The following TARDBP variants were observed in gnomAD, a reference collection of about 807,000 sequenced individuals.
The protein encoded by TARDBP is TAR DNA binding protein.
TARDBP carries 4 observed loss-of-function variants against 38.3 expected under a neutral mutation model. That is an observed-to-expected ratio of 0.10 (90% CI 0.05 to 0.24). TARDBP has a LOEUF of 0.24. Among genes scored for constraint, TARDBP ranks in the 10% least tolerant of loss-of-function variants. The pLI is 1.00. For missense variants in TARDBP, 202 were observed against 521.9 expected (o/e 0.39, Z 5.97); for synonymous variants, 184 against 183.8 (o/e 1.00, Z -0.01).
chr1:11,020,245 C>T lies in TARDBP; in HGVS notation c.544-184C>T, dbSNP rs142943740. Among the ~76,000 whole-genome samples, 592 of 152,210 alleles carry T rather than the reference C, an allele frequency of 3.9e-3. 5 individuals are homozygous for T. Among genetic ancestry groups the T allele is most frequent in the African/African-American group, 0.014 (571 of 41,532 alleles). On this transcript the variant is annotated intron_variant, in intron 4 of 5. Transcript: ENST00000240185. ...GACTGTGTACTTTTGTAACTTAAAA[C>T]GTTACTCTTCACTGAAGCCTTACAA...
Position 11,020,520 on chromosome 1 carries a change from C to G in TARDBP, c.635C>G (p.Ser212Cys). ...MTEDELREFF[S>C]QYGDVMDVFI... ...GAGGATGAGCTGCGGGAGTTCTTCTCTCAGTACGGGGATGTGATGGATGTC... is the reference window on the plus strand; with the variant it reads ...GAGGATGAGCTGCGGGAGTTCTTCTGTCAGTACGGGGATGTGATGGATGTC... Residue 212 changes from serine (S) to cysteine (C), a missense_variant, in exon 5 of 6, where the codon TCT (serine) becomes TGT (cysteine). Physicochemically the swap from Ser to Cys is moderately radical, Grantham distance 112. This residue lies in a region of TARDBP where 12 missense variants were observed against 97.3 expected (regional missense o/e 0.12). Transcript: ENST00000240185. The G allele has an allele frequency of 1.9e-6, 3 of 1,613,996 alleles. No homozygotes were observed. The highest frequency in any genetic ancestry group is 2.5e-6 in the Non-Finnish European group (3 of 1,179,960).
intron 3 of TARDBP, among the ~76,000 whole-genome samples, chr1:11,017,584 G>A (rs1643553475): frequency 6.6e-6 from 1 of 152,234 alleles, no homozygotes; most frequent in East Asian, 1.9e-4. Context: ...CATATATGTT[G>A]TACCCTATGT....
chr1:11,021,941 A>G (rs1004771389), intron 5 of TARDBP, among the ~76,000 whole-genome samples, 183 bp from the exon 6 acceptor site: 2 of 152,244 alleles, frequency 1.3e-5, no homozygotes, highest in African/African-American at 4.8e-5. Context: ...ATCGACTGAA[A>G]TATCACTGCT....
At chr1:11,018,953 G>A (rs1643582077) in intron 4 of TARDBP, 80 bp downstream of exon 4, 9 of 1,597,700 alleles carry the variant, frequency 5.6e-6, no homozygotes, top group Non-Finnish European at 7.7e-6. Context: ...AACACACTTA[G>A]AAAAGATAGC....
rs183243596 is a variant in TARDBP, at chr1:11,014,976, G to A, written c.238+1011G>A. 1.1e-3 allele frequency among the ~76,000 whole-genome samples: 165 copies of A among 151,866 alleles called. 1 individual carries two copies. The highest frequency in any genetic ancestry group is 3.7e-3 in the African/African-American group (154 of 41,420). On this transcript the variant is annotated intron_variant, in intron 2 of 5. Coordinates refer to ENST00000240185, the MANE Select transcript of TARDBP (RefSeq NM_007375.4). The stretch of plus-strand genomic sequence containing the variant: ...CGAAAACAAAAATTGGCGTGGTGGC[G>A]GGGGCCTGTAGTCCCAGCTAGTCTG...
At chr1:11,015,818 A>G (rs1047464992) in intron 2 of TARDBP, among the ~76,000 whole-genome samples, 1 of 151,586 alleles carries the variant, frequency 6.6e-6, no homozygotes, top group African/African-American at 2.4e-5. Flanking sequence ...ATCTTGGCTC[A>G]CTGCAACCTC....
rs956150244 is a variant in TARDBP, at chr1:11,020,435, C to A, written c.550C>A (p.Gln184Lys). The A allele has an allele frequency of 6.2e-7, 1 of 1,613,726 alleles. No individual in the cohort carries two copies. The highest frequency in any genetic ancestry group is 1.3e-5 in the African/African-American group (1 of 74,772). The stretch of plus-strand genomic sequence containing the variant: ...TTCCTTTTGATTTGATCAGCAAAGC[C>A]AAGATGAGCCTTTGAGAAGCAGAAA... ...DCKLPNSKQS[Q>K]DEPLRSRKVF... Residue 184 changes from glutamine to lysine, a missense_variant, in exon 5 of 6, where the codon CAA becomes AAA. Coordinates refer to ENST00000240185, the MANE Select transcript of TARDBP (RefSeq NM_007375.4).
At position 11,022,037 on chromosome 1, in the gene TARDBP, A is replaced by T; in HGVS notation, c.715-87A>T. 6.7e-7 allele frequency: 1 copy of T among 1,486,882 alleles called. No individual in the cohort carries two copies. The allele number at this position is 1,486,882 out of a possible 1,614,324, so 92.1% of individuals were successfully genotyped here. A position where few individuals can be genotyped will look rare whatever the true frequency, so the allele number is the denominator to read the frequency against. ...TTTTTCCTCTGGCTTTAGATAAATT[A>T]ATGCTTGTAATCTAAGTTTTGTTGC... On this transcript the variant is annotated intron_variant, in intron 5 of 5. Coordinates refer to ENST00000240185, the MANE Select transcript of TARDBP (RefSeq NM_007375.4). This position sits in a 1 kb window ranked among gnomAD's most constrained non-coding sequence, Gnocchi z 4.5.
intron 2 of TARDBP, among the ~76,000 whole-genome samples, chr1:11,015,063 C>T (rs889915218): frequency 6.6e-5 from 10 of 150,398 alleles, no homozygotes; most frequent in African/African-American, 1.2e-4. Flanking sequence ...GCTGAGGTCG[C>T]GCCGCTACAC....
At chr1:11,027,209 AC>A, downstream of TARDBP, 1 of 1,614,076 alleles carries the variant, frequency 6.2e-7, no homozygotes. Context: ...TAGCAAGAAA[AC>A]CCCTTTGGGT....
rs1333754120 is a variant in TARDBP, at chr1:11,016,965, G to A, written c.360G>A (p.Leu120=). The part of the protein sequence containing the change: ...GLPWKTTEQD[L]KEYFSTFGEV... ...CATGGAAAACAACCGAACAGGACCT[G>A]AAAGAGTATTTTAGTACCTTTGGAG... Residue 120 remains leucine (L), a synonymous_variant, in exon 3 of 6, where the codon CTG becomes CTA. Transcript: ENST00000240185. The A allele has an allele frequency of 7.4e-6, 12 of 1,614,124 alleles. No individual in the cohort carries two copies. Among genetic ancestry groups the A allele is most frequent in the Admixed American group, 5.0e-5 (3 of 60,000 alleles).
rs771903421 is a variant in TARDBP, at chr1:11,018,714, C to T, written c.403-19C>T. 2 of 1,614,056 alleles carry T rather than the reference C, an allele frequency of 1.2e-6. No individual in the cohort carries two copies. Among genetic ancestry groups the T allele is most frequent in the Non-Finnish European group, 8.5e-7 (1 of 1,180,022 alleles). On this transcript the variant is annotated intron_variant, in intron 3 of 5. Transcript: ENST00000240185. Reference sequence around the variant, plus strand: ...TGAGTATGTGCACTTTTAGAGTAAACTTGTATCATCCTTTCTAGGTCAAGA... The same window carrying T: ...TGAGTATGTGCACTTTTAGAGTAAATTTGTATCATCCTTTCTAGGTCAAGA...
At chr1:11,026,914 A>G (rs767257927), downstream of TARDBP, 2 of 1,494,402 alleles carry the variant, frequency 1.3e-6, no homozygotes, top group Non-Finnish European at 1.8e-6. Context: ...TTCTCGATCC[A>G]GGGAATATAG....
In TARDBP at chr1:11,022,903, T is replaced by G. The variant is rs1407776626; in HGVS notation, c.*249T>G. The G allele has an allele frequency of 1.6e-5, 22 of 1,363,148 alleles. No homozygotes were observed. The East Asian group carries it at 6.0e-4, about 37-fold the overall frequency. 84.4% of individuals were successfully genotyped at this position (1,363,148 alleles called of 1,614,324 possible). A position where few individuals can be genotyped will look rare whatever the true frequency, so the allele number is the denominator to read the frequency against. Reference sequence around the variant, plus strand: ...GAAAGTGAACTGCTGTTTGCCTGATTGGTAAACCAACACACTACAATTGAT... The same window carrying G: ...GAAAGTGAACTGCTGTTTGCCTGATGGGTAAACCAACACACTACAATTGAT... On this transcript the variant is annotated 3_prime_UTR_variant, in exon 6 of 6. Transcript: ENST00000240185. The surrounding 1 kb of genome is among the most constrained non-coding windows in gnomAD (Gnocchi z 4.5).
At position 11,013,727 on chromosome 1, in the gene TARDBP, G is replaced by C. The variant is rs1643462290; in HGVS notation, c.-1G>C. 6.2e-7 allele frequency: 1 copy of C among 1,602,470 alleles called. No individual in the cohort carries two copies. Among genetic ancestry groups the C allele is most frequent in the Non-Finnish European group, 8.5e-7 (1 of 1,173,082 alleles). On this transcript the variant is annotated 5_prime_UTR_variant, in exon 2 of 6. Coordinates refer to ENST00000240185, the MANE Select transcript of TARDBP (RefSeq NM_007375.4). ...TCTTTTCTCTTTAGGAAAAGTAAAA[G>C]ATGTCTGAATATATTCGGGTAACCG...
chr1:11,029,997 A>G (rs1484876053), downstream of TARDBP: 7 of 532,378 alleles, frequency 1.3e-5, no homozygotes, highest in East Asian at 3.3e-5. Context: ...GTCAGCACCT[A>G]ACAACCTCTG....
At chr1:11,027,595 C>G, downstream of TARDBP, 1 of 1,614,134 alleles carries the variant, frequency 6.2e-7, no homozygotes, top group Non-Finnish European at 8.5e-7. Context: ...CCAGGTTTTG[C>G]CTTTTGCCCT....
rs1357937907 is a variant in TARDBP at position 11,022,933 on chromosome 1, A to G, written c.*279A>G. ...AACCAACACACTACAATTGATATCA[A>G]AAGGTTTCTCCTGTAATATTTTATC... On this transcript the variant is annotated 3_prime_UTR_variant, in exon 6 of 6. Coordinates refer to ENST00000240185, the MANE Select transcript of TARDBP (RefSeq NM_007375.4). This position sits in a 1 kb window ranked among gnomAD's most constrained non-coding sequence, Gnocchi z 4.5. 4 of 1,361,632 alleles carry G rather than the reference A, an allele frequency of 2.9e-6. No individual in the cohort carries two copies. The African/African-American group carries it at 4.4e-5, about 15-fold the overall frequency. 84.3% of individuals were successfully genotyped at this position (1,361,632 alleles called of 1,614,324 possible).
At chr1:11,026,917 G>T, downstream of TARDBP, 3 of 1,501,602 alleles carry the variant, frequency 2.0e-6, no homozygotes, top group Non-Finnish European at 2.7e-6. Flanking sequence ...TCGATCCAGG[G>T]AATATAGTTA....
Sources: gnomAD v4.1 joint callset for allele counts (sites outside exome capture counted in the v4.1 genomes callset) on GRCh38, gnomAD v4.1.1 for gene constraint, gnomAD v4.1.1 regional missense constraint, Gnocchi (gnomAD v3.1) non-coding constraint, MANE v1.5 for transcripts, NCBI Gene and HGNC (gene_info 2026-07-23, HGNC 2026-07-21) for gene names.